KCNQ1: variants seen among roughly 807,000 people sequenced by gnomAD.
The protein encoded by KCNQ1 is potassium voltage-gated channel subfamily Q member 1.
KCNQ1 carries 49 observed loss-of-function variants against 72.4 expected under a neutral mutation model. The observed-to-expected ratio is 0.68, with a 90% CI of 0.54 to 0.86. KCNQ1 has a LOEUF of 0.86. Ranked by LOEUF, KCNQ1 falls within the 40% of genes least tolerant of loss-of-function variation. The pLI is 0.00. For synonymous variants in KCNQ1, 450 were observed against 412.6 expected (o/e 1.09, Z -1.10); for missense variants, 790 against 945.1 (o/e 0.84, Z 2.15).
rs777311304 is a variant in KCNQ1 at position 2,598,519 on chromosome 11, T to G, written c.1393+9665T>G. 6.6e-6 allele frequency among the ~76,000 whole-genome samples: 1 copy of G among 151,914 alleles called. No homozygotes were observed. Among genetic ancestry groups the G allele is most frequent in the Non-Finnish European group, 1.5e-5 (1 of 68,022 alleles). ...GTATTTGTATAACACAAAGTTTTAT[T>G]TGTATACATGGACAGACAAAATGTA... On this transcript the variant is annotated intron_variant, in intron 10 of 15. Coordinates refer to ENST00000155840, the MANE Select transcript of KCNQ1 (RefSeq NM_000218.3). This position sits in a 1 kb window ranked among gnomAD's most constrained non-coding sequence, Gnocchi z 6.2.
At chr11:2,489,189 G>A (rs933228075) in intron 1 of KCNQ1, among the ~76,000 whole-genome samples, 6 of 152,146 alleles carry the variant, frequency 3.9e-5, no homozygotes, top group East Asian at 1.9e-4. Context: ...ACAGCACTGT[G>A]CCTCCCATCC....
intron 15 of KCNQ1, among the ~76,000 whole-genome samples, chr11:2,822,621 G>T (rs573659503): frequency 2.6e-5 from 4 of 152,226 alleles, no homozygotes; most frequent in Non-Finnish European, 5.9e-5. Context: ...GGAGAGGTGG[G>T]ATAGTCATGG....
At chr11:2,829,943 G>A (rs1471601578) in intron 15 of KCNQ1, among the ~76,000 whole-genome samples, 1 of 146,648 alleles carries the variant, frequency 6.8e-6, no homozygotes, top group Non-Finnish European at 1.5e-5. Flanking sequence ...GGTGGGGAGG[G>A]GGAGGGGGAG....
At chr11:2,697,184 T>C (rs1036553228) in intron 11 of KCNQ1, 3 of 398,522 alleles carry the variant, frequency 7.5e-6, no homozygotes, top group Non-Finnish European at 1.3e-5. Flanking sequence ...GCTTTAAACA[T>C]TTCTTAGTTT....
At chr11:2,799,386 G>C (rs1847211944) in intron 15 of KCNQ1, among the ~76,000 whole-genome samples, 1 of 152,002 alleles carries the variant, frequency 6.6e-6, no homozygotes, top group Non-Finnish European at 1.5e-5. Flanking sequence ...GTGTGTGTGT[G>C]TGTGTGTGTG....
In KCNQ1 at chr11:2,445,483, G is replaced by T; in HGVS notation, c.385G>T (p.Val129Phe). 1 of 1,594,530 alleles carries T rather than the reference G, an allele frequency of 6.3e-7. No homozygotes were observed. The highest frequency in any genetic ancestry group is 2.2e-5 in the East Asian group (1 of 44,726). ...GAAATGCTTCGTTTACCACTTCGCCGTGTGAGTATCGCCACCGGCGACGGC... is the reference window on the plus strand; with the variant it reads ...GAAATGCTTCGTTTACCACTTCGCCTTGTGAGTATCGCCACCGGCGACGGC... The part of the protein sequence containing the change: ...GWKCFVYHFA[V>F]FLIVLVCLIF... Residue 129 changes from valine (V) to phenylalanine (F), a missense_variant and splice_region_variant, in exon 1 of 16, where the codon GTC (valine) becomes TTC (phenylalanine). Val to Phe is a conservative substitution (Grantham distance 50). Transcript: ENST00000155840.
In KCNQ1 at chr11:2,617,938, C is replaced by T; in HGVS notation, c.1393+29084C>T. 1 of 398,538 alleles carries T rather than the reference C, an allele frequency of 2.5e-6. No individual in the cohort carries two copies. The highest frequency in any genetic ancestry group is 3.6e-5 in the East Asian group (1 of 28,074). 24.7% of individuals were successfully genotyped at this position (398,538 alleles called of 1,614,324 possible). A position where few individuals can be genotyped will look rare whatever the true frequency, so the allele number is the denominator to read the frequency against. On this transcript the variant is annotated intron_variant, in intron 10 of 15. Transcript: ENST00000155840. The surrounding 1 kb of genome is among the most constrained non-coding windows in gnomAD (Gnocchi z 4.6). ...CCTTATAAATTTTGGATATTATCCT[C>T]TTATAAGATATATGGTTGGCAAATA...
rs1848243456 is a variant in KCNQ1 at position 2,566,111 on chromosome 11, A to G, written c.478-4517A>G. ...CTGAGACACCTCCCTGTCCCCTGGCAGGGCTGGAGGCTCTGGAGTCTCTCT... is the reference window on the plus strand; with the variant it reads ...CTGAGACACCTCCCTGTCCCCTGGCGGGGCTGGAGGCTCTGGAGTCTCTCT... On this transcript the variant is annotated intron_variant, in intron 2 of 15. Transcript: ENST00000155840. The surrounding 1 kb of genome is among the most constrained non-coding windows in gnomAD (Gnocchi z 6.7). Among the ~76,000 whole-genome samples, 1 of 152,030 alleles carries G rather than the reference A, an allele frequency of 6.6e-6. No homozygotes were observed. The highest frequency in any genetic ancestry group is 2.1e-4 in the South Asian group (1 of 4,826).
chr11:2,479,280 A>G lies in KCNQ1; in HGVS notation c.386+33796A>G, dbSNP rs1217379017. Among the ~76,000 whole-genome samples, 1 of 152,178 alleles carries G rather than the reference A, an allele frequency of 6.6e-6. No individual in the cohort carries two copies. The highest frequency in any genetic ancestry group is 1.5e-5 in the Non-Finnish European group (1 of 68,030). ...GGCAGTGCCCCAGTGGGGACTTTGC[A>G]TGGGGGCTCCAACCCCACTTTTCCC... On this transcript the variant is annotated intron_variant, in intron 1 of 15. Transcript: ENST00000155840. This position sits in a 1 kb window ranked among gnomAD's most constrained non-coding sequence, Gnocchi z 4.6.
In KCNQ1 at chr11:2,486,461, G is replaced by A. The variant is rs548220245; in HGVS notation, c.386+40977G>A. On this transcript the variant is annotated intron_variant, in intron 1 of 15. Coordinates refer to ENST00000155840, the MANE Select transcript of KCNQ1 (RefSeq NM_000218.3). This position sits in a 1 kb window ranked among gnomAD's most constrained non-coding sequence, Gnocchi z 5.0. ...ATTCTGTGGGGTGCCTTTTTACTCC[G>A]TTGATAGTGTCTTTGTACAAAAATT... 2.2e-4 allele frequency among the ~76,000 whole-genome samples: 34 copies of A among 152,178 alleles called. No individual in the cohort carries two copies. Among genetic ancestry groups the A allele is most frequent in the East Asian group, 7.7e-4 (4 of 5,184 alleles).
chr11:2,476,843 C>T (rs922525715), intron 1 of KCNQ1, among the ~76,000 whole-genome samples: 3 of 152,146 alleles, frequency 2.0e-5, no homozygotes, highest in Non-Finnish European at 2.9e-5. Context: ...TGTGCCACCA[C>T]CCCTGGCTAA....
At chr11:2,777,152 C>G in intron 14 of KCNQ1, 120 bp downstream of exon 14, 2 of 997,548 alleles carry the variant, frequency 2.0e-6, no homozygotes, top group Non-Finnish European at 3.1e-6. Flanking sequence ...AAGTGCATGA[C>G]ATGAAATGAA....
Position 2,723,535 on chromosome 11 carries a change from G to A in KCNQ1, c.1515-45309G>A, listed in dbSNP as rs761047440. 6.6e-6 allele frequency among the ~76,000 whole-genome samples: 1 copy of A among 152,248 alleles called. No homozygotes were observed. Among genetic ancestry groups the A allele is most frequent in the Non-Finnish European group, 1.5e-5 (1 of 68,040 alleles). Reference sequence around the variant, plus strand: ...CCTGGTCCGCTGTTCTGTCCTTACTGTAGCAGTGGGCCTGGAGGCAGTGGC... The same window carrying A: ...CCTGGTCCGCTGTTCTGTCCTTACTATAGCAGTGGGCCTGGAGGCAGTGGC... On this transcript the variant is annotated intron_variant, in intron 11 of 15. Coordinates refer to ENST00000155840, the MANE Select transcript of KCNQ1 (RefSeq NM_000218.3). This position sits in a 1 kb window ranked among gnomAD's most constrained non-coding sequence, Gnocchi z 4.2.
At position 2,617,085 on chromosome 11, in the gene KCNQ1, G is replaced by A. The variant is rs1200557796; in HGVS notation, c.1393+28231G>A. ...CACAGTTATTCTTTTGTGTGTATGA[G>A]TGAGAAAAGCTATGATCTACTCAAT... On this transcript the variant is annotated intron_variant, in intron 10 of 15. Coordinates refer to ENST00000155840, the MANE Select transcript of KCNQ1 (RefSeq NM_000218.3). The surrounding 1 kb of genome is among the most constrained non-coding windows in gnomAD (Gnocchi z 4.6). 2.5e-6 allele frequency: 1 copy of A among 398,062 alleles called. No individual in the cohort carries two copies. The highest frequency in any genetic ancestry group is 4.4e-6 in the Non-Finnish European group (1 of 225,836). 24.7% of individuals were successfully genotyped at this position (398,062 alleles called of 1,614,324 possible).
At chr11:2,842,059 C>T (rs563884531) in intron 15 of KCNQ1, among the ~76,000 whole-genome samples, 1 of 152,300 alleles carries the variant, frequency 6.6e-6, no homozygotes, top group South Asian at 2.1e-4. Flanking sequence ...CCAGCCGCGG[C>T]AGAGCTTCCT....
chr11:2,829,566 A>G (rs1847901960), intron 15 of KCNQ1, among the ~76,000 whole-genome samples: 1 of 152,208 alleles, frequency 6.6e-6, no homozygotes, highest in African/African-American at 2.4e-5. Flanking sequence ...AACAGTAAGT[A>G]CTTATTTAGC....
In KCNQ1 at chr11:2,710,039, A is replaced by G. The variant is rs143832993; in HGVS notation, c.1514+47958A>G. Among the ~76,000 whole-genome samples, 54 of 152,286 alleles carry G rather than the reference A, an allele frequency of 3.5e-4. No homozygotes were observed. Among genetic ancestry groups the G allele is most frequent in the African/African-American group, 1.3e-3 (53 of 41,556 alleles). On this transcript the variant is annotated intron_variant, in intron 11 of 15. Coordinates refer to ENST00000155840, the MANE Select transcript of KCNQ1 (RefSeq NM_000218.3). This position sits in a 1 kb window ranked among gnomAD's most constrained non-coding sequence, Gnocchi z 4.1. ...ACGCTGGGTCATATGGTGACTCCAT[A>G]TTTAACCTTTTGAGGATCTGCCAGA...
chr11:2,714,079 G>A (rs1261746223), intron 11 of KCNQ1, among the ~76,000 whole-genome samples: 1 of 152,150 alleles, frequency 6.6e-6, no homozygotes, highest in African/African-American at 2.4e-5. Flanking sequence ...CAAGGATGCG[G>A]GCCAGGACTC....
chr11:2,549,291 GA>G lies in KCNQ1; in HGVS notation c.477+21275del, dbSNP rs1185842766. Among the ~76,000 whole-genome samples, 1 of 152,164 alleles carries G rather than the reference GA, an allele frequency of 6.6e-6. No individual in the cohort carries two copies. The highest frequency in any genetic ancestry group is 2.4e-5 in the African/African-American group (1 of 41,444). On this transcript the variant is annotated intron_variant, in intron 2 of 15. Transcript: ENST00000155840. The surrounding 1 kb of genome is among the most constrained non-coding windows in gnomAD (Gnocchi z 6.2). ...ATGCTGGGGTGGGGCTATGGGGAAG[GA>G]AGACATGTGGGCCAGGGTGCGGGGT...
Sources: allele counts gnomAD v4.1 joint callset (sites outside exome capture counted in the v4.1 genomes callset), GRCh38; gene constraint gnomAD v4.1.1; non-coding constraint Gnocchi (gnomAD v3.1); transcripts MANE v1.5; gene names NCBI Gene and HGNC (gene_info 2026-07-23, HGNC 2026-07-21).